Variants in PDGFRA observed in about 807,000 individuals in gnomAD.
The protein encoded by PDGFRA is platelet-derived growth factor receptor alpha.
In PDGFRA, 25 loss-of-function variants were observed where a neutral mutation model predicts 121.5. That is an observed-to-expected ratio of 0.21 (90% confidence interval 0.15 to 0.29). PDGFRA has a LOEUF of 0.29. Among genes scored for constraint, PDGFRA ranks in the 10% least tolerant of loss-of-function variants. The probability of loss-of-function intolerance (pLI) is 1.00; values close to 1 mark genes in which losing one functional copy is unlikely to be tolerated. For missense variants in PDGFRA, 1,008 were observed against 1,345.1 expected (o/e 0.75, Z 3.92); for synonymous variants, 463 against 494.8 (o/e 0.94, Z 0.85).
chr4:54,236,588 G>C (rs566937904), intron 1 of PDGFRA, among the ~76,000 whole-genome samples: 21 of 152,180 alleles, frequency 1.4e-4, no homozygotes, highest in Non-Finnish European at 2.1e-4. Flanking sequence ...TGAATCACGA[G>C]GTCAGGAGTT....
In PDGFRA at chr4:54,280,498, C is replaced by T. The variant is rs2110325388; in HGVS notation, c.2323+16C>T. 6 of 1,601,374 alleles carry T rather than the reference C, an allele frequency of 3.7e-6. No individual in the cohort carries two copies. Among genetic ancestry groups the T allele is most frequent in the Non-Finnish European group, 5.1e-6 (6 of 1,169,258 alleles). ...TCTATGTTAGGTAAAAGTGTCTATA[C>T]TCACTCTGGGTGTTGGGACTTTCCA... On this transcript the variant is annotated intron_variant, in intron 16 of 22. Transcript: ENST00000257290.
intron 1 of PDGFRA, among the ~76,000 whole-genome samples, chr4:54,234,669 A>G (rs1416486793): frequency 3.3e-5 from 5 of 152,066 alleles, no homozygotes; most frequent in Admixed American, 6.6e-5. Context: ...TACATAGTGA[A>G]CATCTTATTA....
intron 1 of PDGFRA, among the ~76,000 whole-genome samples, chr4:54,245,380 C>T (rs1721580515): frequency 6.6e-6 from 1 of 152,174 alleles, no homozygotes; most frequent in Admixed American, 6.5e-5. Context: ...AGAAACTCTA[C>T]AAGCCAGAAG....
chr4:54,235,568 T>C (rs1199836065), intron 1 of PDGFRA, among the ~76,000 whole-genome samples: 2 of 152,250 alleles, frequency 1.3e-5, no homozygotes, highest in East Asian at 1.9e-4. Flanking sequence ...CTGTATATAT[T>C]GGCTCATCTT....
rs538213152 is a variant in PDGFRA at position 54,240,147 on chromosome 4, C to G, written c.-13+10732C>G. On this transcript the variant is annotated intron_variant, in intron 1 of 22. Transcript: ENST00000257290. ...GGATTATAGGTGTGAGCCACTGCAC[C>G]TGGCCTCTCTTTAGTTTTTAATGAC... is the stretch of plus-strand genomic sequence containing the variant. 9 of 243,542 alleles carry G rather than the reference C, an allele frequency of 3.7e-5. No homozygotes were observed. The East Asian group carries it at 1.2e-3, about 34-fold the overall frequency. 15.1% of individuals were successfully genotyped at this position (243,542 alleles called of 1,614,324 possible).
intron 1 of PDGFRA, among the ~76,000 whole-genome samples, chr4:54,254,316 C>T (rs1416851820): frequency 7.9e-5 from 12 of 152,208 alleles, no homozygotes; most frequent in Admixed American, 7.9e-4. Context: ...ACCCAGGGAA[C>T]CGCTGTTATC....
rs557121383 is a variant in PDGFRA, at chr4:54,239,409, T to G, written c.-13+9994T>G. On this transcript the variant is annotated intron_variant, in intron 1 of 22. Transcript: ENST00000257290. Reference sequence around the variant, plus strand: ...CTGTCATTTTACTCTTTTGGCTTGCTCTTGAATTCCTTCCTGCATGAAGCC... The same window carrying G: ...CTGTCATTTTACTCTTTTGGCTTGCGCTTGAATTCCTTCCTGCATGAAGCC... Among the ~76,000 whole-genome samples the G allele has an allele frequency of 7.2e-5, 11 of 152,390 alleles. No individual in the cohort carries two copies. The South Asian group carries it at 2.3e-3, about 32-fold the overall frequency.
intron 1 of PDGFRA, among the ~76,000 whole-genome samples, chr4:54,242,150 T>G (rs1207643747): frequency 6.6e-6 from 1 of 152,224 alleles, no homozygotes; most frequent in Non-Finnish European, 1.5e-5. Flanking sequence ...GTGGCCTGGG[T>G]TCAGTTCCTG....
At chr4:54,234,499 G>C (rs1405253948) in intron 1 of PDGFRA, among the ~76,000 whole-genome samples, 1 of 152,176 alleles carries the variant, frequency 6.6e-6, no homozygotes, top group Non-Finnish European at 1.5e-5. Flanking sequence ...CATTAGGAAG[G>C]TGCTTTATTT....
chr4:54,256,633 CT>C (rs1203078638), intron 1 of PDGFRA, among the ~76,000 whole-genome samples: 1 of 151,940 alleles, frequency 6.6e-6, no homozygotes, highest in Non-Finnish European at 1.5e-5. Context: ...CAGCCTCTGC[CT>C]CCCTGGTTCA....
chr4:54,233,532 C>G (rs1350261742), intron 1 of PDGFRA, among the ~76,000 whole-genome samples: 1 of 152,182 alleles, frequency 6.6e-6, no homozygotes, highest in African/African-American at 2.4e-5. Context: ...GCCGCTATCT[C>G]AGTGGAGCGC....
chr4:54,230,153 C>T (rs1720582440), intron 1 of PDGFRA, among the ~76,000 whole-genome samples: 1 of 151,996 alleles, frequency 6.6e-6, no homozygotes, highest in South Asian at 2.1e-4. Flanking sequence ...GCGGGACAAG[C>T]AGAGGCGCGC....
intron 1 of PDGFRA, among the ~76,000 whole-genome samples, chr4:54,244,373 C>A (rs1156305922): frequency 6.6e-6 from 1 of 152,194 alleles, no homozygotes; most frequent in African/African-American, 2.4e-5. Flanking sequence ...GACAAAACTT[C>A]CAGAGGAATG....
rs1553905962 is a variant in PDGFRA at position 54,285,397 on chromosome 4, G to T, written c.2350G>T (p.Asp784Tyr). The part of the protein sequence containing the change: ...LDSEVKNLLS[D>Y]DNSEGLTLLD... ...CTCAGAAGTCAAAAACCTCCTTTCA[G>T]ATGATAACTCAGAAGGCCTTACTTT... The change falls in exon 17 of 23, where the codon GAT becomes TAT. Residue 784 changes from aspartate to tyrosine, a missense_variant. Coordinates refer to ENST00000257290, the MANE Select transcript of PDGFRA (RefSeq NM_006206.6). 2 of 1,519,674 alleles carry T rather than the reference G, an allele frequency of 1.3e-6. No individual in the cohort carries two copies. Among genetic ancestry groups the T allele is most frequent in the South Asian group, 2.2e-5 (2 of 89,188 alleles). 94.1% of individuals were successfully genotyped at this position (1,519,674 alleles called of 1,614,324 possible).
chr4:54,234,165 GTGATGGGGATGA>G (rs756140194), intron 1 of PDGFRA, among the ~76,000 whole-genome samples: 5 of 152,234 alleles, frequency 3.3e-5, no homozygotes, highest in African/African-American at 7.2e-5. Context: ...CCAGCTCCCG[GTGATGGGGATGA>G]TGATGGGGAT....
intron 3 of PDGFRA, among the ~76,000 whole-genome samples, chr4:54,262,808 G>GTGAAT (rs1375980187): frequency 6.6e-6 from 1 of 152,168 alleles, no homozygotes; most frequent in African/African-American, 2.4e-5. Flanking sequence ...TGAAGAGAAT[G>GTGAAT]GTAGGAACGT....
intron 1 of PDGFRA, among the ~76,000 whole-genome samples, chr4:54,246,130 A>T (rs1282126635): frequency 6.6e-6 from 1 of 152,158 alleles, no homozygotes; most frequent in East Asian, 1.9e-4. Flanking sequence ...AGACTTTAAC[A>T]CCCCACTGTC....
intron 16 of PDGFRA, chr4:54,281,679 T>C: frequency 7.3e-7 from 1 of 1,362,084 alleles, no homozygotes; most frequent in Non-Finnish European, 9.7e-7. Context: ...TGGCCTTCCG[T>C]GACTATCTGA....
At chr4:54,294,353 T>C (rs994693207) in intron 22 of PDGFRA, among the ~76,000 whole-genome samples, 1 of 152,146 alleles carries the variant, frequency 6.6e-6, no homozygotes, top group Non-Finnish European at 1.5e-5. Flanking sequence ...GTAAGAGGGT[T>C]CTGCTTTTAT....
Sources: gnomAD v4.1 joint callset for allele counts (sites outside exome capture counted in the v4.1 genomes callset) on GRCh38, gnomAD v4.1.1 for gene constraint, MANE v1.5 for transcripts, NCBI Gene and HGNC (gene_info 2026-07-23, HGNC 2026-07-21) for gene names.